The following VGLL2 variants were observed in gnomAD, a reference collection of about 807,000 sequenced individuals.
VGLL2 encodes the protein transcription cofactor vestigial-like protein 2.
A neutral mutation model predicts 27.0 loss-of-function variants in VGLL2; 18 were observed. The ratio of observed to expected loss-of-function variants is 0.67; its 90% CI spans 0.46 to 0.99. The LOEUF (loss-of-function observed/expected upper bound fraction) is 0.99. Ranked by LOEUF, VGLL2 falls within the 50% of genes least tolerant of loss-of-function variation. The pLI, the probability that VGLL2 is intolerant of heterozygous loss-of-function variation, is 0.00. For synonymous variants in VGLL2, 220 were observed against 201.1 expected (o/e 1.09, Z -0.80); for missense variants, 491 against 452.3 (o/e 1.09, Z -0.78).
chr6:117,270,625 G>A lies in VGLL2; in HGVS notation c.474G>A (p.Leu158=). ...SAYQAPVPPP[L]GSPLATAHSE... ...ACCAGGCGCCAGTGCCCCCGCCGCT[G>A]GGCAGCCCTCTGGCCACCGCGCACT... Residue 158 remains leucine (L), a synonymous_variant, in exon 3 of 4, where the codon CTG becomes CTA. Coordinates refer to ENST00000326274, the MANE Select transcript of VGLL2 (RefSeq NM_182645.3). 6.3e-7 allele frequency: 1 copy of A among 1,591,238 alleles called. No homozygotes were observed. Among genetic ancestry groups the A allele is most frequent in the Non-Finnish European group, 8.5e-7 (1 of 1,173,536 alleles).
intron 3 of VGLL2, among the ~76,000 whole-genome samples, chr6:117,272,122 C>T (rs1033177483): frequency 2.8e-5 from 4 of 142,210 alleles, no homozygotes; most frequent in Non-Finnish European, 4.6e-5. Flanking sequence ...GTGTTTTGTC[C>T]TTCTTTCCTT....
chr6:117,270,680 T>A lies in VGLL2; in HGVS notation c.529T>A (p.Tyr177Asn), dbSNP rs893714468. 3.3e-5 allele frequency: 51 copies of A among 1,546,238 alleles called. No individual in the cohort carries two copies. The highest frequency in any genetic ancestry group is 4.3e-5 in the Non-Finnish European group (50 of 1,154,326). Residue 177 changes from tyrosine (Y) to asparagine (N), a missense_variant, in exon 3 of 4, where the codon TAC becomes AAC. Physicochemically the swap from Tyr to Asn is moderately radical, Grantham distance 143. Transcript: ENST00000326274. ...GCTGCCCTTCGCCGCCGCCGACCCC[T>A]ACTCGCCCGCCGCGCTGCATGGCCA... ...SELPFAAADP[Y>N]SPAALHGHLH...
At position 117,266,398 on chromosome 6, in the gene VGLL2, C is replaced by T. The variant is rs1168615574; in HGVS notation, c.81+554C>T. Among the ~76,000 whole-genome samples, 3 of 152,134 alleles carry T rather than the reference C, an allele frequency of 2.0e-5. 1 individual carries two copies. The highest frequency in any genetic ancestry group is 4.4e-5 in the Non-Finnish European group (3 of 68,030). Reference sequence around the variant, plus strand: ...CCAGAGAATTCATTTCAAAGAGCACCGCGCAGTTTTATAATTTTTTCCTTT... The same window carrying T: ...CCAGAGAATTCATTTCAAAGAGCACTGCGCAGTTTTATAATTTTTTCCTTT... On this transcript the variant is annotated intron_variant, in intron 1 of 3. Transcript: ENST00000326274.
At chr6:117,271,107 C>T in intron 3 of VGLL2, 43 bp downstream of exon 3, 1 of 1,202,546 alleles carries the variant, frequency 8.3e-7, no homozygotes, top group East Asian at 3.4e-5. Flanking sequence ...GCCGCTCGGC[C>T]CCGTACCCGA....
At chr6:117,268,664 G>GA (rs1773121564) in intron 2 of VGLL2, among the ~76,000 whole-genome samples, 173 bp downstream of exon 2, 1 of 152,122 alleles carries the variant, frequency 6.6e-6, no homozygotes, top group Non-Finnish European at 1.5e-5. Flanking sequence ...ATGGATATAA[G>GA]AAAAAACTCC....
In VGLL2 at chr6:117,272,640, A is replaced by G; in HGVS notation, c.*146A>G. The G allele has an allele frequency of 9.0e-7, 1 of 1,116,280 alleles. No homozygotes were observed. The allele number at this position is 1,116,280 out of a possible 1,614,324, so 69.1% of individuals were successfully genotyped here. On this transcript the variant is annotated 3_prime_UTR_variant, in exon 4 of 4. Coordinates refer to ENST00000326274, the MANE Select transcript of VGLL2 (RefSeq NM_182645.3). ...TGTGTTGGGAAAACCAAAAACCACA[A>G]CTACAGAAATTCATCTAAAAATAAG... is the stretch of plus-strand genomic sequence containing the variant.
intron 2 of VGLL2, 25 bp from the exon 3 acceptor site, chr6:117,270,518 C>T: frequency 6.4e-7 from 1 of 1,565,172 alleles, no homozygotes; most frequent in African/African-American, 1.4e-5. Context: ...CTTTCCTCCA[C>T]TCCGCCTCCC....
chr6:117,270,469 C>G, intron 2 of VGLL2, 74 bp from the exon 3 acceptor site: 2 of 1,468,060 alleles, frequency 1.4e-6, no homozygotes, highest in Non-Finnish European at 1.8e-6. Flanking sequence ...ACGTGCAGGT[C>G]GGCGCTGAGT....
intron 2 of VGLL2, among the ~76,000 whole-genome samples, chr6:117,270,140 A>C (rs1773151024): frequency 6.6e-6 from 1 of 152,014 alleles, no homozygotes; most frequent in Non-Finnish European, 1.5e-5. Flanking sequence ...GGTTAAGGCT[A>C]GGAAAGGGAG....
intron 2 of VGLL2, among the ~76,000 whole-genome samples, chr6:117,269,883 C>T (rs1263746726): frequency 6.6e-6 from 1 of 152,066 alleles, no homozygotes; most frequent in African/African-American, 2.4e-5. Flanking sequence ...AATAGAGCTG[C>T]CCTTTAATGC....
At chr6:117,271,225 A>G (rs1773191147) in intron 3 of VGLL2, among the ~76,000 whole-genome samples, 161 bp downstream of exon 3, 1 of 151,242 alleles carries the variant, frequency 6.6e-6, no homozygotes, top group African/African-American at 2.4e-5. Context: ...GCCCTGTGCC[A>G]TGCGTGTAGG....
rs765029675 is a variant in VGLL2 at position 117,270,724 on chromosome 6, G to C, written c.573G>C (p.Thr191=). The change falls in exon 3 of 4, where the codon ACG becomes ACC. Residue 191 remains threonine (T), a synonymous_variant. Coordinates refer to ENST00000326274, the MANE Select transcript of VGLL2 (RefSeq NM_182645.3). ...ALHGHLHQGA[T]EPWHHAHPHH... ...ATGGCCACCTGCACCAGGGCGCCAC[G>C]GAGCCCTGGCACCACGCGCACCCGC... The C allele has an allele frequency of 4.4e-5, 67 of 1,525,870 alleles. 1 individual carries two copies. In the South Asian group the frequency reaches 5.3e-4, roughly 12 times the overall value. 94.5% of individuals were successfully genotyped at this position (1,525,870 alleles called of 1,614,324 possible).
In VGLL2 at chr6:117,273,030, T is replaced by C. The variant is rs1773234838; in HGVS notation, c.*536T>C. 1 of 153,308 alleles carries C rather than the reference T, an allele frequency of 6.5e-6. No homozygotes were observed. The highest frequency in any genetic ancestry group is 1.5e-5 in the Non-Finnish European group (1 of 68,638). The allele number at this position is 153,308 out of a possible 1,614,324, so 9.5% of individuals were successfully genotyped here. A position where few individuals can be genotyped will look rare whatever the true frequency, so the allele number is the denominator to read the frequency against. ...GCCCACTCCAGACGCAAAGATACAC[T>C]TTTTTCCTTTGGACTGTGAACATGG... On this transcript the variant is annotated 3_prime_UTR_variant, in exon 4 of 4. Transcript: ENST00000326274.
In VGLL2 at chr6:117,270,732, G is replaced by GGCACCACGCGCACCC. The variant is rs754225248; in HGVS notation, c.600_614dup (p.Ala202_His206dup). The GGCACCACGCGCACCC allele has an allele frequency of 1.9e-4, 290 of 1,521,586 alleles. No homozygotes were observed. The highest frequency in any genetic ancestry group is 9.2e-4 in the African/African-American group (64 of 69,414). The allele number at this position is 1,521,586 out of a possible 1,614,324, so 94.3% of individuals were successfully genotyped here. On this transcript the variant is annotated inframe_insertion, in exon 3 of 4. Transcript: ENST00000326274. The stretch of plus-strand genomic sequence containing the variant: ...CTGCACCAGGGCGCCACGGAGCCCT[G>GGCACCACGCGCACCC]GCACCACGCGCACCCGCACCACGCG...
Position 117,265,835 on chromosome 6 carries a change from C to A in VGLL2, c.72C>A (p.Pro24=). Reference sequence around the variant, plus strand: ...CCTACTTCGCAGCCGCCTACACCCCCTACCACCAGGTACGTGTCTCCTCTG... The same window carrying A: ...CCTACTTCGCAGCCGCCTACACCCCATACCACCAGGTACGTGTCTCCTCTG... ...PQPYFAAAYT[P]YHQKLAYYSK... The change falls in exon 1 of 4, where the codon CCC becomes CCA. Residue 24 remains proline, a synonymous_variant. Transcript: ENST00000326274. 1 of 1,614,124 alleles carries A rather than the reference C, an allele frequency of 6.2e-7. No individual in the cohort carries two copies. The highest frequency in any genetic ancestry group is 8.5e-7 in the Non-Finnish European group (1 of 1,179,932).
rs1199147811 is a variant in VGLL2, at chr6:117,272,730, G to T, written c.*236G>T. 5.3e-6 allele frequency: 3 copies of T among 567,068 alleles called. No individual in the cohort carries two copies. Among genetic ancestry groups the T allele is most frequent in the Non-Finnish European group, 9.1e-6 (3 of 330,066 alleles). 35.1% of individuals were successfully genotyped at this position (567,068 alleles called of 1,614,324 possible). On this transcript the variant is annotated 3_prime_UTR_variant, in exon 4 of 4. Transcript: ENST00000326274. ...TTTAATGACTTTTGGCCGAATCACT[G>T]GAAATATCTGTGGTGAGATTGCTGA...
chr6:117,270,469 C>A, intron 2 of VGLL2, 74 bp from the exon 3 acceptor site: 6 of 1,468,060 alleles, frequency 4.1e-6, no homozygotes, highest in Non-Finnish European at 5.4e-6. Context: ...ACGTGCAGGT[C>A]GGCGCTGAGT....
Position 117,265,578 on chromosome 6 carries a change from T to C in VGLL2, c.-186T>C, listed in dbSNP as rs550926655. 1.1e-4 allele frequency: 62 copies of C among 578,346 alleles called. No individual in the cohort carries two copies. The highest frequency in any genetic ancestry group is 1.0e-3 in the African/African-American group (56 of 53,336). The allele number at this position is 578,346 out of a possible 1,614,324, so 35.8% of individuals were successfully genotyped here. ...CAGGCGCTTCTGCCCTGGAGCGCGG[T>C]CGGGAGTAAAATCGCAGGAGTGGGA... On this transcript the variant is annotated 5_prime_UTR_variant, in exon 1 of 4. Transcript: ENST00000326274.
chr6:117,269,104 A>G (rs1280630250), intron 2 of VGLL2, among the ~76,000 whole-genome samples: 1 of 152,218 alleles, frequency 6.6e-6, no homozygotes, highest in Non-Finnish European at 1.5e-5. Flanking sequence ...AAGTAAAATA[A>G]CAAAGAAACA....
Sources: allele counts gnomAD v4.1 joint callset (sites outside exome capture counted in the v4.1 genomes callset), GRCh38; gene constraint gnomAD v4.1.1; transcripts MANE v1.5; gene names NCBI Gene and HGNC (gene_info 2026-07-23, HGNC 2026-07-21).